The following NRG1 variants were observed in gnomAD, a reference collection of about 807,000 sequenced individuals.
NRG1 encodes the protein pro-neuregulin-1, membrane-bound isoform.
Under a neutral mutation model 63.8 loss-of-function variants are expected in NRG1, and 18 were observed. That is an observed-to-expected ratio of 0.28 (90% confidence interval 0.19 to 0.42). The LOEUF (loss-of-function observed/expected upper bound fraction) is 0.42. Among genes scored for constraint, NRG1 ranks in the 10% least tolerant of loss-of-function variants. The pLI, the probability that NRG1 is intolerant of heterozygous loss-of-function variation, is 1.00. For synonymous variants in NRG1, 302 were observed against 301.3 expected (o/e 1.00, Z -0.02); for missense variants, 762 against 814.7 (o/e 0.94, Z 0.79).
chr8:31,895,062 C>G (rs1230003581), intron 1 of NRG1, among the ~76,000 whole-genome samples: 1 of 152,166 alleles, frequency 6.6e-6, no homozygotes, highest in Non-Finnish European at 1.5e-5. Flanking sequence ...GTCTGCAATA[C>G]TTTGGCACTG....
exon 10 of NRG1, chr8:32,759,309 T>C (rs1281444503): frequency 1.2e-6 from 2 of 1,613,606 alleles, no homozygotes; most frequent in East Asian, 4.5e-5. Context: ...TATCCAGCAA[T>C]ACGTATCTAA....
At chr8:32,693,862 T>C (rs1181788747) in intron 5 of NRG1, among the ~76,000 whole-genome samples, 1 of 152,214 alleles carries the variant, frequency 6.6e-6, no homozygotes, top group African/African-American at 2.4e-5. Context: ...ATATGTTTGT[T>C]AGGAGTACAT....
At chr8:32,346,342 C>T (rs1804892862) in intron 1 of NRG1, among the ~76,000 whole-genome samples, 1 of 150,580 alleles carries the variant, frequency 6.6e-6, no homozygotes, top group Admixed American at 6.6e-5. Flanking sequence ...ACTCTCTCCA[C>T]CTCATTTTAC....
intron 5 of NRG1, among the ~76,000 whole-genome samples, chr8:32,640,239 T>C (rs1055296381): frequency 5.9e-5 from 7 of 119,658 alleles, no homozygotes; most frequent in Non-Finnish European, 8.9e-5. Context: ...TTTTTTCTTC[T>C]TTTTGTCACA....
intron 1 of NRG1, among the ~76,000 whole-genome samples, chr8:32,508,705 T>C (rs1828831743): frequency 6.6e-6 from 1 of 152,154 alleles, no homozygotes; most frequent in Admixed American, 6.5e-5. Context: ...TACTTGTATA[T>C]ACTTTGTGGT....
At chr8:32,473,180 G>C (rs115960976) in intron 1 of NRG1, among the ~76,000 whole-genome samples, 5,191 of 152,250 alleles carry the variant, frequency 0.034, 306 homozygotes, top group African/African-American at 0.12. Flanking sequence ...GTGGTATGGA[G>C]AATGGACTGG....
chr8:31,742,492 A>G (rs1416357666), intron 1 of NRG1, among the ~76,000 whole-genome samples: 2 of 41,396 alleles, frequency 4.8e-5, no homozygotes, highest in Non-Finnish European at 1.1e-4. Flanking sequence ...AACGAAAGCT[A>G]TTGTCTTCTA....
intron 1 of NRG1, among the ~76,000 whole-genome samples, chr8:32,245,946 A>C (rs1231006752): frequency 6.6e-6 from 1 of 152,158 alleles, no homozygotes; most frequent in African/African-American, 2.4e-5. Flanking sequence ...CCTGCGAGGA[A>C]GTATCCTTTA....
chr8:32,728,909 C>G (rs1386947549), intron 6 of NRG1, among the ~76,000 whole-genome samples: 1 of 150,220 alleles, frequency 6.7e-6, no homozygotes, highest in East Asian at 2.0e-4. Context: ...ACTAAAAATG[C>G]AAAAAAAAAT....
At chr8:32,065,176 A>G (rs575509916) in intron 1 of NRG1, among the ~76,000 whole-genome samples, 5 of 150,482 alleles carry the variant, frequency 3.3e-5, no homozygotes, top group African/African-American at 1.2e-4. Context: ...CTTTGTGGCC[A>G]TCGATTTTTT....
At chr8:31,642,798 G>T (rs985850921) in intron 1 of NRG1, among the ~76,000 whole-genome samples, 4 of 152,128 alleles carry the variant, frequency 2.6e-5, no homozygotes, top group Non-Finnish European at 5.9e-5. Context: ...TTTAAAGTAG[G>T]ATATTGCTTT....
chr8:31,740,923 G>A lies in NRG1; in HGVS notation c.37+101492G>A, dbSNP rs114991908. ...ACCAAAAAGATACATGCACTTGCAT[G>A]TTCATCACAGCACTATTCACAGTAG... On this transcript the variant is annotated intron_variant, in intron 1 of 10. Transcript: ENST00000519301. Among the ~76,000 whole-genome samples, 691 of 152,152 alleles carry A rather than the reference G, an allele frequency of 4.5e-3. 9 individuals carry two copies. The highest frequency in any genetic ancestry group is 0.016 in the African/African-American group (650 of 41,554).
At position 32,112,383 on chromosome 8, in the gene NRG1, G is replaced by A. The variant is rs16878843; in HGVS notation, c.37+472952G>A. Among the ~76,000 whole-genome samples, 1,194 of 152,336 alleles carry A rather than the reference G, an allele frequency of 7.8e-3. 17 individuals carry two copies. Among genetic ancestry groups the A allele is most frequent in the African/African-American group, 0.026 (1,079 of 41,584 alleles). On this transcript the variant is annotated intron_variant, in intron 1 of 10. Coordinates refer to the NRG1 transcript ENST00000519301. ...GAGGCTGGACAAAGGGAAATGAGTT[G>A]AATGCTGTTGTGAATGGGCAGAAGT...
At chr8:32,072,526 A>G (rs139078998) in intron 1 of NRG1, among the ~76,000 whole-genome samples, 1 of 152,272 alleles carries the variant, frequency 6.6e-6, no homozygotes, top group African/African-American at 2.4e-5. Flanking sequence ...ACTCTGAATT[A>G]TAGAATAGCT....
chr8:32,694,588 A>G (rs546996947), intron 5 of NRG1, among the ~76,000 whole-genome samples: 3 of 152,338 alleles, frequency 2.0e-5, no homozygotes, highest in Admixed American at 6.5e-5. Context: ...TAAAACAACT[A>G]TGAAGACCCA....
chr8:32,375,161 T>A lies in NRG1; in HGVS notation c.38-220667T>A, dbSNP rs550508570. 3.0e-3 allele frequency among the ~76,000 whole-genome samples: 430 copies of A among 141,110 alleles called. 1 individual carries two copies. Among genetic ancestry groups the A allele is most frequent in the African/African-American group, 0.01 (396 of 38,212 alleles). 92.6% of individuals were successfully genotyped at this position (141,110 alleles called of 152,430 possible). A position where few individuals can be genotyped will look rare whatever the true frequency, so the allele number is the denominator to read the frequency against. On this transcript the variant is annotated intron_variant, in intron 1 of 10. Transcript: ENST00000519301. ...CCACACCTGGATATAGTTTTTTTTT[T>A]AGAGATGAGGCCTTCTACATTGCCC...
At chr8:32,131,913 T>C (rs1834870933) in intron 1 of NRG1, among the ~76,000 whole-genome samples, 2 of 152,074 alleles carry the variant, frequency 1.3e-5, no homozygotes, top group Non-Finnish European at 2.9e-5. Context: ...TCCTGGATTT[T>C]TTTCCCTAAG....
At chr8:32,090,240 A>G (rs989371555) in intron 1 of NRG1, among the ~76,000 whole-genome samples, 1 of 152,236 alleles carries the variant, frequency 6.6e-6, no homozygotes, top group African/African-American at 2.4e-5. Context: ...AGGAAATTAC[A>G]GTATTCTGTG....
chr8:31,847,941 C>A (rs1826843908), intron 1 of NRG1, among the ~76,000 whole-genome samples: 1 of 152,176 alleles, frequency 6.6e-6, no homozygotes, highest in South Asian at 2.1e-4. Context: ...AATAAAAGGT[C>A]TCATTTCTTG....
Sources: gnomAD v4.1 joint callset for allele counts (sites outside exome capture counted in the v4.1 genomes callset) on GRCh38, gnomAD v4.1.1 for gene constraint, MANE v1.5 for transcripts, NCBI Gene and HGNC (gene_info 2026-07-23, HGNC 2026-07-21) for gene names.